The following ORC1 variants were observed in gnomAD, a reference collection of about 807,000 sequenced individuals.
The protein encoded by ORC1 is origin recognition complex, subunit 1 homolog.
Under a neutral mutation model 98.9 loss-of-function variants are expected in ORC1, and 61 were observed. The observed-to-expected ratio is 0.62, with a 90% CI of 0.50 to 0.76. The LOEUF is 0.76. Ranked by LOEUF, ORC1 falls within the 30% of genes least tolerant of loss-of-function variation. The pLI, the probability that ORC1 is intolerant of heterozygous loss-of-function variation, is 0.00. For synonymous variants in ORC1, 385 were observed against 406.9 expected (o/e 0.95, Z 0.65); for missense variants, 979 against 1,072.2 (o/e 0.91, Z 1.21).
At chr1:52,385,533 T>C (rs1184243535) in intron 9 of ORC1, among the ~76,000 whole-genome samples, 2 of 152,164 alleles carry the variant, frequency 1.3e-5, no homozygotes, top group Non-Finnish European at 2.9e-5. Flanking sequence ...CAGACTTATA[T>C]GAAAGTCTCC....
At position 52,389,317 on chromosome 1, in the gene ORC1, C is replaced by T; in HGVS notation, c.1087G>A (p.Ala363Thr). Residue 363 changes from alanine to threonine, a missense_variant, in exon 7 of 17, where the codon GCA (alanine) becomes ACA (threonine). Ala to Thr is a moderately conservative substitution (Grantham distance 58). Coordinates refer to ENST00000371568, the MANE Select transcript of ORC1 (RefSeq NM_004153.4). ...TCATTCTGGGCTTTTGCTTCTTTTGCATCCCTGCAAGAAACCACAGCGAGG... is the reference window on the plus strand; with the variant it reads ...TCATTCTGGGCTTTTGCTTCTTTTGTATCCCTGCAAGAAACCACAGCGAGG... ...LKPENIKKRD[A>T]KEAKAQNEAT... 1 of 1,613,578 alleles carries T rather than the reference C, an allele frequency of 6.2e-7. No individual in the cohort carries two copies. Among genetic ancestry groups the T allele is most frequent in the Non-Finnish European group, 8.5e-7 (1 of 1,179,532 alleles).
chr1:52,375,695 A>C, intron 14 of ORC1, 96 bp from the exon 15 acceptor site: 2 of 1,173,452 alleles, frequency 1.7e-6, no homozygotes, highest in Non-Finnish European at 1.3e-6. Context: ...CGTAAAGTTA[A>C]GTACTTAGCC....
intron 14 of ORC1, 39 bp from the exon 15 acceptor site, chr1:52,375,638 C>T: frequency 6.3e-7 from 1 of 1,598,396 alleles, no homozygotes. Context: ...GCCACCTTAG[C>T]CCAGAAGAAC....
Position 52,374,653 on chromosome 1 carries a change from C to T in ORC1, c.2391+157G>A, listed in dbSNP as rs535952480. On this transcript the variant is annotated intron_variant, in intron 16 of 16. Coordinates refer to ENST00000371568, the MANE Select transcript of ORC1 (RefSeq NM_004153.4). Reference sequence around the variant, plus strand: ...TCGCTAAAGGTCTCTTCTCATGCAGCTCTACAAAATGTCACATTAAAATAG... The same window carrying T: ...TCGCTAAAGGTCTCTTCTCATGCAGTTCTACAAAATGTCACATTAAAATAG... 3.9e-5 allele frequency among the ~76,000 whole-genome samples: 6 copies of T among 152,326 alleles called. No individual in the cohort carries two copies. The East Asian group carries it at 1.2e-3, about 29-fold the overall frequency.
At chr1:52,386,880 G>A (rs1170153160) in intron 8 of ORC1, among the ~76,000 whole-genome samples, 1 of 152,130 alleles carries the variant, frequency 6.6e-6, no homozygotes, top group Non-Finnish European at 1.5e-5. Flanking sequence ...GAGCCCAGGA[G>A]GTTGAGGCTA....
chr1:52,384,405 C>A lies in ORC1; in HGVS notation c.1755+145G>T, dbSNP rs933046751. On this transcript the variant is annotated intron_variant, in intron 11 of 16. Coordinates refer to ENST00000371568, the MANE Select transcript of ORC1 (RefSeq NM_004153.4). ...AAGTCTCTTAGGGTAAGAATTCTGT[C>A]TTCCTTGCCCTTGCTACCTCTACAG... is the stretch of plus-strand genomic sequence containing the variant. The A allele has an allele frequency of 1.2e-5, 9 of 781,676 alleles. No individual in the cohort carries two copies. The African/African-American group carries it at 1.5e-4, about 13-fold the overall frequency. The allele number at this position is 781,676 out of a possible 1,614,324, so 48.4% of individuals were successfully genotyped here.
At chr1:52,405,572 A>G, upstream of ORC1, 1 of 970,406 alleles carries the variant, frequency 1.0e-6, no homozygotes, top group Middle Eastern at 3.3e-4. Context: ...CGTTCTCCTA[A>G]TATTACACTG....
At chr1:52,397,995 T>A (rs765382265) in intron 3 of ORC1, 132 bp from the exon 4 acceptor site, 45 of 841,182 alleles carry the variant, frequency 5.3e-5, no homozygotes, top group Non-Finnish European at 7.7e-5. Flanking sequence ...TGAGACAGAG[T>A]CTCTGTCACC....
chr1:52,396,332 C>A lies in ORC1; in HGVS notation c.435G>T (p.Pro145=). 6.2e-7 allele frequency: 1 copy of A among 1,614,066 alleles called. No homozygotes were observed. The highest frequency in any genetic ancestry group is 1.3e-5 in the African/African-American group (1 of 75,006). Residue 145 remains proline (P), a synonymous_variant, in exon 5 of 17, where the codon CCG becomes CCT. Transcript: ENST00000371568. ...VIPLAPKDVV[P]TNLKNEKTLF... is the part of the protein sequence containing the mutation. ...GTGTCTTCTCATTTTTCAGATTCGT[C>A]GGTACCACATCCTTTGGGGCTAAAG... is the stretch of plus-strand genomic sequence containing the variant.
In ORC1 at chr1:52,381,640, AC is replaced by A; in HGVS notation, c.2133+1del. 6.2e-7 allele frequency: 1 copy of A among 1,612,232 alleles called. No individual in the cohort carries two copies. Among genetic ancestry groups the A allele is most frequent in the Admixed American group, 1.7e-5 (1 of 59,994 alleles). On this transcript the variant is annotated splice_donor_variant, in intron 14 of 16. Transcript: ENST00000371568. LOFTEE classifies it high-confidence loss of function. ...GATTTATGGGTGCAGCTGGTGACTT[AC>A]CTTCCTGGCTACCAGCTGGATGGCA...
At chr1:52,388,117 T>A (rs901988623) in intron 8 of ORC1, among the ~76,000 whole-genome samples, 1 of 152,138 alleles carries the variant, frequency 6.6e-6, no homozygotes, top group Non-Finnish European at 1.5e-5. Flanking sequence ...TGGCCGTACA[T>A]GCGATACCCA....
chr1:52,393,682 A>G lies in ORC1; in HGVS notation c.843T>C (p.Asp281=). 6.2e-7 allele frequency: 1 copy of G among 1,614,030 alleles called. No individual in the cohort carries two copies. Among genetic ancestry groups the G allele is most frequent in the Non-Finnish European group, 8.5e-7 (1 of 1,179,996 alleles). Reference sequence around the variant, plus strand: ...GAGCTGGAGACAAGGTTTGAAGTTTATCAGGCTGAGATCTCTTAGAAGGTG... The same window carrying G: ...GAGCTGGAGACAAGGTTTGAAGTTTGTCAGGCTGAGATCTCTTAGAAGGTG... ...ITSPSKRSQP[D]KLQTLSPALK... Residue 281 remains aspartate, a synonymous_variant, in exon 6 of 17, where the codon GAT becomes GAC. Transcript: ENST00000371568.
chr1:52,409,107 G>A (rs1202606353), upstream of ORC1: 2 of 164,970 alleles, frequency 1.2e-5, no homozygotes, highest in Non-Finnish European at 2.7e-5. Flanking sequence ...TCACACTGCA[G>A]CATATAAGAC....
intron 16 of ORC1, among the ~76,000 whole-genome samples, chr1:52,374,050 T>C (rs1050672723): frequency 2.6e-5 from 4 of 152,194 alleles, no homozygotes; most frequent in Admixed American, 2.0e-4. Context: ...GGAACAGGGA[T>C]GTTAACCAAA....
chr1:52,386,580 TCACTC>T (rs1403756822), intron 8 of ORC1, among the ~76,000 whole-genome samples: 1 of 152,206 alleles, frequency 6.6e-6, no homozygotes, highest in Non-Finnish European at 1.5e-5. Flanking sequence ...ATGGGGCATT[TCACTC>T]CACCCACCCT....
At chr1:52,408,207 T>C (rs1007822577), upstream of ORC1, 1 of 367,406 alleles carries the variant, frequency 2.7e-6, no homozygotes, top group Non-Finnish European at 5.3e-6. Flanking sequence ...GCCACTGCAC[T>C]GCAGCCTGGG....
At chr1:52,385,755 C>T (rs867468891) in intron 9 of ORC1, 97 bp downstream of exon 9, 3 of 817,360 alleles carry the variant, frequency 3.7e-6, no homozygotes, top group African/African-American at 3.4e-5. Flanking sequence ...GTGTATCTAC[C>T]TTTATTAGGT....
At chr1:52,383,606 C>T (rs1647102245) in intron 12 of ORC1, 37 bp from the exon 13 acceptor site, 2 of 1,611,838 alleles carry the variant, frequency 1.2e-6, no homozygotes, top group Non-Finnish European at 1.7e-6. Context: ...GAGTCAATCA[C>T]AGAGACTGAG....
intron 14 of ORC1, among the ~76,000 whole-genome samples, chr1:52,379,091 G>A (rs369276695): frequency 1.2e-4 from 19 of 152,072 alleles, no homozygotes; most frequent in Non-Finnish European, 2.5e-4. Flanking sequence ...GAAGAGTAGC[G>A]GTTAGTGTAG....
Sources: gnomAD v4.1 joint callset for allele counts (sites outside exome capture counted in the v4.1 genomes callset) on GRCh38, gnomAD v4.1.1 for gene constraint, MANE v1.5 for transcripts, NCBI Gene and HGNC (gene_info 2026-07-23, HGNC 2026-07-21) for gene names.